Variants in TCERG1L observed in about 807,000 individuals in gnomAD.
TCERG1L encodes the protein transcription elongation regulator 1-like protein.
In TCERG1L, 37 loss-of-function variants were observed where a neutral mutation model predicts 56.3. The observed-to-expected ratio is 0.66, with a 90% CI of 0.51 to 0.87. The LOEUF is 0.87. Ranked by LOEUF, TCERG1L falls within the 40% of genes least tolerant of loss-of-function variation. The pLI, the probability that TCERG1L is intolerant of heterozygous loss-of-function variation, is 0.00. For missense variants in TCERG1L, 799 were observed against 774.2 expected (o/e 1.03, Z -0.38); for synonymous variants, 324 against 326.3 (o/e 0.99, Z 0.08).
chr10:131,209,180 G>A (rs1845587918), intron 4 of TCERG1L, among the ~76,000 whole-genome samples: 1 of 152,168 alleles, frequency 6.6e-6, no homozygotes, highest in Non-Finnish European at 1.5e-5. Flanking sequence ...TGAATTCTGT[G>A]TTCAGGCTTA....
intron 5 of TCERG1L, 123 bp downstream of exon 5, chr10:131,166,672 TCA>T: frequency 2.1e-6 from 2 of 954,566 alleles, no homozygotes; most frequent in Non-Finnish European, 3.2e-6. Context: ...TCCTGCTGCT[TCA>T]CACAGCAGAT....
intron 4 of TCERG1L, among the ~76,000 whole-genome samples, chr10:131,256,994 A>AAGGC (rs1554897149): frequency 2.9e-5 from 2 of 69,080 alleles, no homozygotes; most frequent in African/African-American, 1.1e-4. Flanking sequence ...GGAAGGAAGG[A>AAGGC]AAGAAAGAAA....
At chr10:131,281,819 A>C (rs901282385) in intron 3 of TCERG1L, among the ~76,000 whole-genome samples, 2 of 141,300 alleles carry the variant, frequency 1.4e-5, no homozygotes, top group Non-Finnish European at 1.6e-5. Context: ...CAACACCTAA[A>C]AGTGAGGACT....
intron 3 of TCERG1L, among the ~76,000 whole-genome samples, chr10:131,269,845 A>G (rs142719145): frequency 6.8e-4 from 103 of 152,280 alleles, no homozygotes; most frequent in African/African-American, 2.3e-3. Flanking sequence ...GTAAAAACAC[A>G]CTATCAGCAA....
chr10:131,120,841 C>G (rs1845505644), intron 8 of TCERG1L, among the ~76,000 whole-genome samples: 1 of 152,208 alleles, frequency 6.6e-6, no homozygotes, highest in African/African-American at 2.4e-5. Flanking sequence ...TGCTCCTTCA[C>G]TCCTTCCCTC....
rs545115931 is a variant in TCERG1L at position 131,115,241 on chromosome 10, C to T, written c.1395+1558G>A. ...ATAAAGAAGAGTCCGTGAAGGCACA[C>T]GGTGATCACCCGGCAGCACCTCCCC... On this transcript the variant is annotated intron_variant, in intron 9 of 11. Coordinates refer to ENST00000368642, the MANE Select transcript of TCERG1L (RefSeq NM_174937.4). 9.8e-5 allele frequency among the ~76,000 whole-genome samples: 15 copies of T among 152,348 alleles called. No homozygotes were observed. In the South Asian group the frequency reaches 1.2e-3, roughly 13 times the overall value.
At chr10:131,129,729 G>T (rs780341235) in intron 8 of TCERG1L, among the ~76,000 whole-genome samples, 2 of 152,146 alleles carry the variant, frequency 1.3e-5, no homozygotes, top group Non-Finnish European at 2.9e-5. Context: ...CTAACCTGTT[G>T]TATTAGTTCA....
intron 4 of TCERG1L, among the ~76,000 whole-genome samples, chr10:131,254,820 G>C (rs1235927269): frequency 6.6e-6 from 1 of 152,196 alleles, no homozygotes; most frequent in Non-Finnish European, 1.5e-5. Context: ...GGGTGAAAAA[G>C]GTTTACTTGA....
At position 131,112,974 on chromosome 10, in the gene TCERG1L, G is replaced by A. The variant is rs1039442555; in HGVS notation, c.1395+3825C>T. On this transcript the variant is annotated intron_variant, in intron 9 of 11. Transcript: ENST00000368642. ...AGTGGCCAGCACAGGCAGAGTTCCC[G>A]TGAGTCCAGGTGGCCCCGGGTGGAC... Among the ~76,000 whole-genome samples, 18 of 142,164 alleles carry A rather than the reference G, an allele frequency of 1.3e-4. 4 individuals are homozygous for A. Among genetic ancestry groups the A allele is most frequent in the African/African-American group, 2.5e-4 (10 of 40,336 alleles). 93.3% of individuals were successfully genotyped at this position (142,164 alleles called of 152,430 possible).
chr10:131,310,414 T>C (rs1183420597), intron 1 of TCERG1L, among the ~76,000 whole-genome samples: 2 of 152,356 alleles, frequency 1.3e-5, no homozygotes, highest in East Asian at 3.9e-4. Context: ...CAACATCTTT[T>C]AGAAAAGCTC....
intron 11 of TCERG1L, among the ~76,000 whole-genome samples, chr10:131,094,006 T>G (rs1263724407): frequency 6.6e-6 from 1 of 152,164 alleles, no homozygotes; most frequent in Non-Finnish European, 1.5e-5. Context: ...GAATCAGAGC[T>G]GCCAGGCCAG....
At chr10:131,224,540 T>C (rs568679978) in intron 4 of TCERG1L, among the ~76,000 whole-genome samples, 13 of 152,352 alleles carry the variant, frequency 8.5e-5, no homozygotes, top group Admixed American at 4.6e-4. Context: ...TGTTGTCTGA[T>C]TGACAGCGAG....
At chr10:131,094,094 G>A (rs1003424416) in intron 11 of TCERG1L, among the ~76,000 whole-genome samples, 1 of 152,220 alleles carries the variant, frequency 6.6e-6, no homozygotes, top group Non-Finnish European at 1.5e-5. Flanking sequence ...AGCTTAGAGG[G>A]CAAAACAGGA....
At chr10:131,098,206 G>A in intron 11 of TCERG1L, 100 bp downstream of exon 11, 3 of 1,263,696 alleles carry the variant, frequency 2.4e-6, no homozygotes, top group South Asian at 1.4e-5. Flanking sequence ...TCTGTGGAAG[G>A]CTGGGTTACA....
chr10:131,306,569 C>T (rs1846820475), intron 3 of TCERG1L, among the ~76,000 whole-genome samples: 1 of 152,072 alleles, frequency 6.6e-6, no homozygotes, highest in Admixed American at 6.5e-5. Flanking sequence ...ATACCCCATT[C>T]TCCATGATGT....
intron 8 of TCERG1L, among the ~76,000 whole-genome samples, chr10:131,131,755 T>G (rs963487527): frequency 1.3e-5 from 2 of 152,222 alleles, no homozygotes; most frequent in African/African-American, 4.8e-5. Flanking sequence ...ACAGCTTATT[T>G]GCTTGTTTCT....
intron 4 of TCERG1L, among the ~76,000 whole-genome samples, chr10:131,192,650 C>T (rs1255896651): frequency 6.9e-6 from 1 of 144,874 alleles, no homozygotes; most frequent in Non-Finnish European, 1.5e-5. Flanking sequence ...GGTATATCTA[C>T]ACCATGGAAT....
intron 3 of TCERG1L, among the ~76,000 whole-genome samples, chr10:131,264,021 C>T (rs900362585): frequency 1.3e-5 from 2 of 151,286 alleles, no homozygotes; most frequent in East Asian, 2.0e-4. Context: ...TGGGAGCCCC[C>T]AGAAGGGCAA....
chr10:131,176,515 CACAT>C (rs1452210572), intron 4 of TCERG1L, among the ~76,000 whole-genome samples: 1 of 146,760 alleles, frequency 6.8e-6, no homozygotes, highest in African/African-American at 2.5e-5. Flanking sequence ...CACACAGAGA[CACAT>C]GCACACACAA....
Sources: gnomAD v4.1 joint callset for allele counts (sites outside exome capture counted in the v4.1 genomes callset) on GRCh38, gnomAD v4.1.1 for gene constraint, MANE v1.5 for transcripts, NCBI Gene and HGNC (gene_info 2026-07-23, HGNC 2026-07-21) for gene names.